The following MGRN1 variants were observed in gnomAD, a reference collection of about 807,000 sequenced individuals.
The protein encoded by MGRN1 is mahogunin ring finger 1.
Under a neutral mutation model 69.2 loss-of-function variants are expected in MGRN1, and 29 were observed. The ratio of observed to expected loss-of-function variants is 0.42; its 90% CI spans 0.31 to 0.57. The LOEUF (loss-of-function observed/expected upper bound fraction) is 0.57, where lower values mean the gene tolerates loss of function less well. MGRN1 is among the 20% of genes least tolerant of loss of function. The probability of loss-of-function intolerance (pLI) is 0.15; values close to 1 mark genes in which losing one functional copy is unlikely to be tolerated. For missense variants in MGRN1, 998 were observed against 796.2 expected (o/e 1.25, Z -3.05); for synonymous variants, 470 against 344.2 (o/e 1.37, Z -4.04).
In MGRN1 at chr16:4,690,604, T is replaced by G. The variant is rs1490154875; in HGVS notation, c.*1696T>G. ...CACTTGCACATGCTCACGCACATGTTCACACATGCACACTCACGCTCACAC... is the reference window on the plus strand; with the variant it reads ...CACTTGCACATGCTCACGCACATGTGCACACATGCACACTCACGCTCACAC... On this transcript the variant is annotated 3_prime_UTR_variant, in exon 17 of 17. Coordinates refer to ENST00000262370, the MANE Select transcript of MGRN1 (RefSeq NM_015246.4). 1 of 152,256 alleles carries G rather than the reference T, an allele frequency of 6.6e-6. No individual in the cohort carries two copies. Among genetic ancestry groups the G allele is most frequent in the East Asian group, 1.9e-4 (1 of 5,186 alleles). The allele number at this position is 152,256 out of a possible 1,614,324, so 9.4% of individuals were successfully genotyped here.
intron 4 of MGRN1, among the ~76,000 whole-genome samples, chr16:4,655,742 G>A (rs2078522613): frequency 6.6e-6 from 1 of 152,246 alleles, no homozygotes; most frequent in Admixed American, 6.5e-5. Context: ...GGACCTGGAG[G>A]CTGTGCCCAG....
intron 1 of MGRN1, among the ~76,000 whole-genome samples, chr16:4,631,899 C>G (rs1596255020): frequency 4.7e-5 from 1 of 21,492 alleles, no homozygotes; most frequent in African/African-American, 9.3e-5. Flanking sequence ...TATTTAGCTT[C>G]TCAGTTGTTT....
At chr16:4,656,973 T>A (rs1313765946) in intron 4 of MGRN1, among the ~76,000 whole-genome samples, 1 of 152,060 alleles carries the variant, frequency 6.6e-6, no homozygotes, top group African/African-American at 2.4e-5. Flanking sequence ...ACAGCTACAC[T>A]GGGGAGGTAT....
chr16:4,631,797 T>C (rs1157262561), intron 1 of MGRN1, among the ~76,000 whole-genome samples: 1 of 152,174 alleles, frequency 6.6e-6, no homozygotes, highest in Non-Finnish European at 1.5e-5. Flanking sequence ...AGTATTACAT[T>C]GGATATATAA....
At chr16:4,668,629 G>C (rs111208298) in intron 8 of MGRN1, among the ~76,000 whole-genome samples, 1 of 151,492 alleles carries the variant, frequency 6.6e-6, no homozygotes, top group African/African-American at 2.4e-5. Flanking sequence ...CAGTCATTCA[G>C]ATGCACACAC....
intron 7 of MGRN1, among the ~76,000 whole-genome samples, chr16:4,666,639 G>A (rs1477140720): frequency 6.6e-6 from 1 of 152,184 alleles, no homozygotes; most frequent in East Asian, 1.9e-4. Flanking sequence ...TTCCTACCAG[G>A]CTCAGTGTCC....
rs1266965036 is a variant in MGRN1 at position 4,657,356 on chromosome 16, A to G, written c.554A>G (p.Asp185Gly). ...SFKIDFSEWK[D>G]DELNFDLDRG... ...AAGATTGACTTCTCGGAATGGAAGG[A>G]TGACGAGGTAATGCTGGCTGGGCGG... is the stretch of plus-strand genomic sequence containing the variant. The change falls in exon 5 of 17, where the codon GAT (aspartate) becomes GGT (glycine). Residue 185 changes from aspartate to glycine, a missense_variant. Physicochemically the swap from Asp to Gly is moderately conservative, Grantham distance 94. Coordinates refer to ENST00000262370, the MANE Select transcript of MGRN1 (RefSeq NM_015246.4). The G allele has an allele frequency of 6.2e-7, 1 of 1,613,752 alleles. No homozygotes were observed. Among genetic ancestry groups the G allele is most frequent in the African/African-American group, 1.3e-5 (1 of 74,940 alleles).
chr16:4,645,849 C>T (rs1459165352), intron 1 of MGRN1, among the ~76,000 whole-genome samples: 1 of 152,104 alleles, frequency 6.6e-6, no homozygotes, highest in Non-Finnish European at 1.5e-5. Context: ...AAACAACAGA[C>T]CTGGGGACCC....
chr16:4,672,812 C>G (rs1468266260), intron 9 of MGRN1, among the ~76,000 whole-genome samples: 3 of 152,188 alleles, frequency 2.0e-5, no homozygotes, highest in Non-Finnish European at 2.9e-5. Flanking sequence ...GAAAATACTT[C>G]TAACATATTA....
chr16:4,635,511 C>T (rs1898236261), intron 1 of MGRN1, among the ~76,000 whole-genome samples: 1 of 151,878 alleles, frequency 6.6e-6, no homozygotes, highest in Non-Finnish European at 1.5e-5. Flanking sequence ...GCTCTGTCGC[C>T]CAGGCTGGAG....
At position 4,690,095 on chromosome 16, in the gene MGRN1, T is replaced by G. The variant is rs2079423131; in HGVS notation, c.*1187T>G. ...CAGTTCTCTCTGATTTGGTTTGTTC[T>G]GTCTCAGGCTTCTGTGGCAGGACTG... On this transcript the variant is annotated 3_prime_UTR_variant, in exon 17 of 17. Transcript: ENST00000262370. 1 of 152,366 alleles carries G rather than the reference T, an allele frequency of 6.6e-6. No individual in the cohort carries two copies. 9.4% of individuals were successfully genotyped at this position (152,366 alleles called of 1,614,324 possible).
chr16:4,651,891 G>C, intron 2 of MGRN1, 72 bp from the exon 3 acceptor site: 1 of 1,370,158 alleles, frequency 7.3e-7, no homozygotes, highest in South Asian at 1.2e-5. Context: ...TGTGGCTGCT[G>C]CACCCTGACC....
At chr16:4,684,433 C>T (rs543460280) in intron 16 of MGRN1, among the ~76,000 whole-genome samples, 25 of 152,288 alleles carry the variant, frequency 1.6e-4, no homozygotes, top group Admixed American at 3.9e-4. Context: ...TGCTGGGTAG[C>T]GGGGGCCCTG....
chr16:4,681,509 G>A, intron 12 of MGRN1, 41 bp from the exon 13 acceptor site: 2 of 1,569,720 alleles, frequency 1.3e-6, no homozygotes, highest in Non-Finnish European at 1.7e-6. Context: ...GGAGCAGGTG[G>A]TCCCTGGGCA....
chr16:4,678,287 A>AGG (rs3992629), intron 11 of MGRN1, among the ~76,000 whole-genome samples: 65,511 of 152,058 alleles, frequency 0.43, 17,451 homozygotes, highest in East Asian at 0.65. Flanking sequence ...CAGCAACACA[A>AGG]GGGAGGTGGA....
At chr16:4,687,144 A>G (rs1472233003) in intron 16 of MGRN1, 1 of 985,150 alleles carries the variant, frequency 1.0e-6, no homozygotes, top group Non-Finnish European at 1.2e-6. Flanking sequence ...CCCTCCCAGT[A>G]CTGGAACCTT....
At chr16:4,646,653 T>C (rs9939503) in intron 1 of MGRN1, among the ~76,000 whole-genome samples, 18,632 of 152,142 alleles carry the variant, frequency 0.12, 2,722 homozygotes, top group African/African-American at 0.36. Context: ...GCAGTCTCTG[T>C]GGTCATCATT....
At chr16:4,686,679 C>T in intron 16 of MGRN1, 3 of 1,063,280 alleles carry the variant, frequency 2.8e-6, no homozygotes, top group Non-Finnish European at 3.4e-6. Context: ...ATGAGGGCAG[C>T]ACCGTGGAGG....
chr16:4,632,834 G>A (rs973816119), intron 1 of MGRN1, among the ~76,000 whole-genome samples: 35 of 152,288 alleles, frequency 2.3e-4, no homozygotes, highest in African/African-American at 7.5e-4. Context: ...TGTAATCCCA[G>A]CACTTTGGGA....
Sources: gnomAD v4.1 joint callset for allele counts (sites outside exome capture counted in the v4.1 genomes callset) on GRCh38, gnomAD v4.1.1 for gene constraint, MANE v1.5 for transcripts, NCBI Gene and HGNC (gene_info 2026-07-23, HGNC 2026-07-21) for gene names.